PRELID2: variants seen among roughly 807,000 people sequenced by gnomAD.
PRELID2 encodes PRELI domain-containing protein 2.
In PRELID2, 25 loss-of-function variants were observed where a neutral mutation model predicts 28.4. The observed-to-expected ratio is 0.88, with a 90% CI of 0.64 to 1.23. The LOEUF is 1.23. Ranked by LOEUF, PRELID2 falls within the 50% of genes most tolerant of loss-of-function variation. The pLI is 0.00. For synonymous variants in PRELID2, 76 were observed against 71.6 expected, an observed-to-expected ratio of 1.06 and a Z score of -0.31; for missense variants, 201 against 214.4, an observed-to-expected ratio of 0.94 and a Z score of 0.39.
the PRELID2 span, among the ~76,000 whole-genome samples, chr5:145,448,316 GTTGT>G: frequency 6.6e-6 from 1 of 151,904 alleles, no homozygotes; most frequent in Non-Finnish European, 1.5e-5. Flanking sequence ...TGTTGATGGG[GTTGT>G]TTGTTTTTTT....
chr5:145,713,174 T>C (rs976400220), intron 1 of PRELID2, among the ~76,000 whole-genome samples: 1 of 150,814 alleles, frequency 6.6e-6, no homozygotes, highest in Non-Finnish European at 1.5e-5. Context: ...CAACTACAGA[T>C]CCAAAAAGCT....
the PRELID2 span, among the ~76,000 whole-genome samples, chr5:145,428,810 G>A: frequency 1.6e-3 from 238 of 152,302 alleles, no homozygotes; most frequent in African/African-American, 5.5e-3. Flanking sequence ...AAATAAGCAA[G>A]GGAGGCATGC....
chr5:145,797,675 T>C (rs1429420417), intron 4 of PRELID2, among the ~76,000 whole-genome samples: 1 of 152,028 alleles, frequency 6.6e-6, no homozygotes, highest in Non-Finnish European at 1.5e-5. Context: ...GATGCATCCC[T>C]CAAAAAGGTT....
chr5:145,373,034 AATATGATATATATTACAACATATATAAT>A, the PRELID2 span, among the ~76,000 whole-genome samples: 16,826 of 116,346 alleles, frequency 0.14, 6,632 homozygotes, highest in East Asian at 0.31. Context: ...CAACATATAT[AATATGATATATATTACAACATATATAAT>A]ATATGATATA....
chr5:145,616,472 T>C (rs114568564), intron 1 of PRELID2, among the ~76,000 whole-genome samples: 2,634 of 152,174 alleles, frequency 0.017, 84 homozygotes, highest in African/African-American at 0.06. Context: ...TCCCTAAGTG[T>C]CGGCCGGTCT....
intron 1 of PRELID2, among the ~76,000 whole-genome samples, chr5:145,585,585 C>T (rs1753146603): frequency 1.3e-5 from 2 of 152,160 alleles, no homozygotes; most frequent in South Asian, 2.1e-4. Flanking sequence ...ATCGTCCATA[C>T]CTCACAGGGT....
rs1021517410 is a variant in PRELID2 at position 145,819,356 on chromosome 5, T to C, written c.207+589A>G. 19 of 1,552,124 alleles carry C rather than the reference T, an allele frequency of 1.2e-5. No homozygotes were observed. The East Asian group carries it at 3.8e-4, about 31-fold the overall frequency. ...GAAAATCCCTCTATGGGTCAAGCAATGTGATTAAAAATTTCCACTCACCTT... is the reference window on the plus strand; with the variant it reads ...GAAAATCCCTCTATGGGTCAAGCAACGTGATTAAAAATTTCCACTCACCTT... On this transcript the variant is annotated intron_variant, in intron 3 of 6. Transcript: ENST00000683046.
chr5:145,533,765 C>T (rs1752674139), intron 1 of PRELID2, among the ~76,000 whole-genome samples: 1 of 152,070 alleles, frequency 6.6e-6, no homozygotes, highest in African/African-American at 2.4e-5. Context: ...TTCAGTCAGT[C>T]ATGCCTCCTG....
chr5:145,596,029 G>C (rs998215365), intron 1 of PRELID2, among the ~76,000 whole-genome samples: 1 of 149,132 alleles, frequency 6.7e-6, no homozygotes, highest in Non-Finnish European at 1.5e-5. Context: ...GGAAGTAAAG[G>C]CTGCAGTGAG....
At chr5:145,628,187 A>C (rs1185376720) in intron 1 of PRELID2, among the ~76,000 whole-genome samples, 2 of 143,350 alleles carry the variant, frequency 1.4e-5, no homozygotes, top group African/African-American at 5.8e-5. Context: ...TCTGTTAAGC[A>C]TACATATATA....
the PRELID2 span, among the ~76,000 whole-genome samples, chr5:145,251,569 T>A: frequency 6.6e-6 from 1 of 152,154 alleles, no homozygotes; most frequent in Non-Finnish European, 1.5e-5. Context: ...CAGCTGGTGA[T>A]GGGTAGTCAA....
chr5:145,547,344 T>A (rs560302430), intron 1 of PRELID2, among the ~76,000 whole-genome samples: 3 of 152,266 alleles, frequency 2.0e-5, no homozygotes, highest in African/African-American at 7.2e-5. Flanking sequence ...TGGTGTCCAT[T>A]TTATCTTCTG....
At chr5:145,508,532 A>C (rs1260402343) in intron 1 of PRELID2, among the ~76,000 whole-genome samples, 1 of 151,900 alleles carries the variant, frequency 6.6e-6, no homozygotes, top group Non-Finnish European at 1.5e-5. Flanking sequence ...GAATTCATTA[A>C]AGTTAGTATA....
chr5:145,791,952 G>A (rs1397983090), intron 5 of PRELID2, among the ~76,000 whole-genome samples: 1 of 152,094 alleles, frequency 6.6e-6, no homozygotes, highest in East Asian at 1.9e-4. Flanking sequence ...CAGATGCTGA[G>A]GCCTCTGAAC....
the PRELID2 span, among the ~76,000 whole-genome samples, chr5:145,322,698 A>C: frequency 5.3e-5 from 8 of 152,186 alleles, no homozygotes; most frequent in Non-Finnish European, 1.2e-4. Flanking sequence ...CATGTTCTTT[A>C]CCTCATAAAA....
the PRELID2 span, among the ~76,000 whole-genome samples, chr5:145,330,376 A>G: frequency 0.3 from 46,119 of 151,892 alleles, 7,375 homozygotes; most frequent in African/African-American, 0.4. Context: ...ACCTCTAGTA[A>G]AATTCGGCTG....
chr5:145,672,453 G>A (rs867620987), intron 1 of PRELID2, among the ~76,000 whole-genome samples: 3 of 149,760 alleles, frequency 2.0e-5, no homozygotes, highest in Middle Eastern at 3.2e-3. Flanking sequence ...TTTGACATAA[G>A]GAATGGCTTT....
chr5:145,617,093 G>T, intron 1 of PRELID2, among the ~76,000 whole-genome samples: 1 of 152,156 alleles, frequency 6.6e-6, no homozygotes, highest in Non-Finnish European at 1.5e-5. Flanking sequence ...AGAGTTTAAG[G>T]TTATCTCTCT....
At chr5:145,431,241 G>T in the PRELID2 span, among the ~76,000 whole-genome samples, 1 of 151,834 alleles carries the variant, frequency 6.6e-6, no homozygotes, top group Non-Finnish European at 1.5e-5. Flanking sequence ...TGAAATAATT[G>T]TGAACAGTTT....
Sources: allele counts gnomAD v4.1 joint callset (sites outside exome capture counted in the v4.1 genomes callset), GRCh38; gene constraint gnomAD v4.1.1; transcripts MANE v1.5; gene names NCBI Gene and HGNC (gene_info 2026-07-23, HGNC 2026-07-21).